Variants in KCNH1 observed in about 807,000 individuals in gnomAD.
KCNH1 encodes voltage-gated delayed rectifier potassium channel KCNH1.
KCNH1 carries 27 observed loss-of-function variants against 69.2 expected under a neutral mutation model. The ratio of observed to expected loss-of-function variants is 0.39; its 90% CI spans 0.29 to 0.54. The LOEUF is 0.54. Ranked by LOEUF, KCNH1 falls within the 20% of genes least tolerant of loss-of-function variation. The pLI is 0.68. For missense variants in KCNH1, 798 were observed against 1,261.6 expected (o/e 0.63, Z 5.57); for synonymous variants, 456 against 487.7 (o/e 0.93, Z 0.86).
At chr1:211,089,260 C>G (rs1691010354) in intron 4 of KCNH1, among the ~76,000 whole-genome samples, 1 of 152,140 alleles carries the variant, frequency 6.6e-6, no homozygotes, top group Non-Finnish European at 1.5e-5. Flanking sequence ...ATGAGTGAAC[C>G]TACTGCCATG....
At chr1:210,941,032 G>A (rs1687866812) in intron 6 of KCNH1, among the ~76,000 whole-genome samples, 1 of 152,174 alleles carries the variant, frequency 6.6e-6, no homozygotes, top group African/African-American at 2.4e-5. Flanking sequence ...AGGCATGTTT[G>A]GCACTGGGCC....
At chr1:211,037,788 C>T (rs1243179366) in intron 5 of KCNH1, among the ~76,000 whole-genome samples, 1 of 152,108 alleles carries the variant, frequency 6.6e-6, no homozygotes, top group Non-Finnish European at 1.5e-5. Flanking sequence ...GTGTCCCCAA[C>T]CAAATCTCAA....
chr1:210,786,064 C>A (rs1684094940), intron 9 of KCNH1, among the ~76,000 whole-genome samples: 2 of 152,168 alleles, frequency 1.3e-5, no homozygotes, highest in South Asian at 4.1e-4. Context: ...TTGGGGGAAT[C>A]TATGCAATTT....
chr1:210,735,691 T>C (rs1287476383), intron 10 of KCNH1, among the ~76,000 whole-genome samples: 1 of 152,126 alleles, frequency 6.6e-6, no homozygotes, highest in Non-Finnish European at 1.5e-5. Context: ...TTTACTTGCC[T>C]GTGAATCAAT....
chr1:210,947,574 CAAA>C (rs200240311), intron 6 of KCNH1, among the ~76,000 whole-genome samples: 1 of 113,606 alleles, frequency 8.8e-6, no homozygotes, highest in Non-Finnish European at 1.9e-5. Flanking sequence ...GACTCTGTCT[CAAA>C]AAAAAAAAAA....
intron 6 of KCNH1, among the ~76,000 whole-genome samples, chr1:210,995,252 C>T (rs577495785): frequency 4.6e-5 from 7 of 152,120 alleles, no homozygotes; most frequent in Non-Finnish European, 1.0e-4. Flanking sequence ...TGCCTTTTGC[C>T]ATTCTTCCTT....
chr1:211,097,477 A>G (rs886167744), intron 3 of KCNH1, among the ~76,000 whole-genome samples: 4 of 152,256 alleles, frequency 2.6e-5, no homozygotes, highest in Non-Finnish European at 5.9e-5. Context: ...AAAATGTTTA[A>G]ATAGAGAAAA....
intron 7 of KCNH1, among the ~76,000 whole-genome samples, chr1:210,884,102 C>T (rs1327189774): frequency 6.6e-6 from 1 of 152,164 alleles, no homozygotes; most frequent in East Asian, 1.9e-4. Flanking sequence ...GCAAAGAAAA[C>T]ATGGCAGAGA....
At chr1:211,006,060 C>CA (rs1558564901) in intron 6 of KCNH1, among the ~76,000 whole-genome samples, 1 of 152,100 alleles carries the variant, frequency 6.6e-6, no homozygotes, top group East Asian at 1.9e-4. Flanking sequence ...ACTAAAAACT[C>CA]ATTGGATTAG....
chr1:210,846,011 C>A lies in KCNH1; in HGVS notation c.1463-41845G>T, dbSNP rs559002346. The stretch of plus-strand genomic sequence containing the variant: ...CAAAGAGAATAAAATACCTGGGAAT[C>A]CAACTTACAAGGGATGTGAAGGACC... On this transcript the variant is annotated intron_variant, in intron 7 of 10. Transcript: ENST00000271751. 1.0e-3 allele frequency among the ~76,000 whole-genome samples: 157 copies of A among 152,234 alleles called. 1 individual carries two copies. Among genetic ancestry groups the A allele is most frequent in the African/African-American group, 3.7e-3 (153 of 41,548 alleles).
At chr1:210,861,650 T>G (rs1476156050) in intron 7 of KCNH1, 9 of 771,802 alleles carry the variant, frequency 1.2e-5, no homozygotes, top group Non-Finnish European at 1.7e-5. Context: ...GCATAGAGTA[T>G]ATACTGAACA....
intron 6 of KCNH1, among the ~76,000 whole-genome samples, chr1:210,965,276 A>C (rs1688377506): frequency 1.3e-5 from 2 of 152,156 alleles, no homozygotes. Flanking sequence ...GAAAGAAATA[A>C]AGGGTATTTA....
At chr1:210,807,586 G>T (rs1684610519) in intron 7 of KCNH1, among the ~76,000 whole-genome samples, 1 of 152,064 alleles carries the variant, frequency 6.6e-6, no homozygotes, top group African/African-American at 2.4e-5. Context: ...ACTCCAGCCT[G>T]GGTGGGTGAC....
At chr1:211,093,656 A>G (rs1691094505) in intron 3 of KCNH1, among the ~76,000 whole-genome samples, 1 of 152,234 alleles carries the variant, frequency 6.6e-6, no homozygotes, top group African/African-American at 2.4e-5. Flanking sequence ...CTTGTAACAA[A>G]AATTCATACA....
At chr1:210,782,749 A>AAAG (rs1558467533) in intron 9 of KCNH1, among the ~76,000 whole-genome samples, 2 of 151,852 alleles carry the variant, frequency 1.3e-5, no homozygotes, top group African/African-American at 4.8e-5. Flanking sequence ...AAGAAAGAAA[A>AAAG]AAAGATTAGT....
chr1:210,821,166 A>C (rs1218113617), intron 7 of KCNH1, among the ~76,000 whole-genome samples: 1 of 152,176 alleles, frequency 6.6e-6, no homozygotes, highest in African/African-American at 2.4e-5. Context: ...CTATAAACTG[A>C]TGTTTGATTA....
chr1:210,716,785 G>C (rs183087876), intron 10 of KCNH1, among the ~76,000 whole-genome samples: 1 of 152,270 alleles, frequency 6.6e-6, no homozygotes, highest in African/African-American at 2.4e-5. Flanking sequence ...CAACTATGCA[G>C]ATCACTAGGG....
At chr1:210,788,258 A>T (rs1684139325) in intron 9 of KCNH1, among the ~76,000 whole-genome samples, 1 of 152,210 alleles carries the variant, frequency 6.6e-6, no homozygotes, top group African/African-American at 2.4e-5. Flanking sequence ...ATTTTGGTAT[A>T]CTTTCCATCT....
chr1:210,847,084 C>T (rs552838499), intron 7 of KCNH1, among the ~76,000 whole-genome samples: 135 of 152,240 alleles, frequency 8.9e-4, no homozygotes, highest in African/African-American at 3.0e-3. Flanking sequence ...GAAACAACAG[C>T]TGCTGGACAG....
Sources: allele counts gnomAD v4.1 joint callset (sites outside exome capture counted in the v4.1 genomes callset), GRCh38; gene constraint gnomAD v4.1.1; transcripts MANE v1.5; gene names NCBI Gene and HGNC (gene_info 2026-07-23, HGNC 2026-07-21).